The following NUP210L variants were observed in gnomAD, a reference collection of about 807,000 sequenced individuals.
The protein encoded by NUP210L is nucleoporin 210 like.
Under a neutral mutation model 208.5 loss-of-function variants are expected in NUP210L, and 74 were observed. The ratio of observed to expected loss-of-function variants is 0.35; its 90% confidence interval spans 0.29 to 0.43. NUP210L has a LOEUF of 0.43. Among genes scored for constraint, NUP210L ranks in the 20% least tolerant of loss-of-function variants. The pLI is 1.00. For synonymous variants in NUP210L, 780 were observed against 816.9 expected (o/e 0.95, Z 0.77); for missense variants, 1,843 against 2,289.4 (o/e 0.81, Z 3.98).
intron 16 of NUP210L, among the ~76,000 whole-genome samples, chr1:154,077,723 G>A (rs957408904): frequency 2.0e-5 from 3 of 152,078 alleles, no homozygotes; most frequent in African/African-American, 4.8e-5. Context: ...GGTGGTCCAC[G>A]CCTATAATCT....
intron 22 of NUP210L, 90 bp from the exon 23 acceptor site, chr1:154,057,037 G>C: frequency 7.6e-7 from 1 of 1,308,898 alleles, no homozygotes; most frequent in South Asian, 1.3e-5. Flanking sequence ...GGAGTGCAGT[G>C]GCATGATCTC....
intron 35 of NUP210L, 48 bp from the exon 36 acceptor site, chr1:154,002,033 T>C (rs779847239): frequency 6.3e-7 from 1 of 1,582,476 alleles, no homozygotes; most frequent in Admixed American, 1.8e-5. Flanking sequence ...AGAGGCTCTA[T>C]TGAGCCAACT....
intron 37 of NUP210L, 116 bp downstream of exon 37, chr1:154,000,740 C>T (rs1650161545): frequency 4.9e-6 from 4 of 819,410 alleles, no homozygotes; most frequent in South Asian, 3.2e-5. Flanking sequence ...ATTTTTGGAC[C>T]GTGGTTGACA....
intron 10 of NUP210L, among the ~76,000 whole-genome samples, chr1:154,121,038 A>G (rs1657593366): frequency 6.6e-6 from 1 of 152,140 alleles, no homozygotes; most frequent in Admixed American, 6.6e-5. Flanking sequence ...GGATAGTCAG[A>G]GAAACTTTTA....
intron 2 of NUP210L, among the ~76,000 whole-genome samples, chr1:154,152,477 ATT>A (rs11458686): frequency 5.7e-5 from 8 of 139,354 alleles, no homozygotes; most frequent in Admixed American, 7.2e-5. Flanking sequence ...CCCAGCCATA[ATT>A]TTTTTTTTTT....
At chr1:154,035,559 A>T (rs959562287) in intron 27 of NUP210L, among the ~76,000 whole-genome samples, 7 of 150,696 alleles carry the variant, frequency 4.6e-5, no homozygotes, top group African/African-American at 1.2e-4. Flanking sequence ...CACCACGCCC[A>T]GCTAATTTTT....
chr1:154,095,004 C>G (rs760585897), exon 15 of NUP210L: 1 of 1,614,158 alleles, frequency 6.2e-7, no homozygotes, highest in Non-Finnish European at 8.5e-7. Context: ...ATGGCAGCCA[C>G]ACTTGTGCTA....
At chr1:154,056,769 G>A (rs1302518048) in intron 23 of NUP210L, 46 bp downstream of exon 23, 5 of 1,528,198 alleles carry the variant, frequency 3.3e-6, no homozygotes, top group Non-Finnish European at 4.4e-6. Flanking sequence ...GACAAATGAT[G>A]TTAAGCAAGA....
At chr1:154,022,171 C>T (rs11264875) in exon 32 of NUP210L, 468,386 of 1,613,150 alleles carry the variant, frequency 0.29, 69,763 homozygotes, top group Admixed American at 0.41. Flanking sequence ...ATATCTCCAA[C>T]AAAGGTAAGC....
chr1:154,001,486 G>A (rs768487481), intron 36 of NUP210L, among the ~76,000 whole-genome samples: 1 of 152,148 alleles, frequency 6.6e-6, no homozygotes, highest in East Asian at 1.9e-4. Context: ...ATGAGCCACC[G>A]CGCTCGGCCA....
rs1279220521 is a variant in NUP210L, at chr1:153,998,858, G to A, written c.5386+1998C>T. Among the ~76,000 whole-genome samples the A allele has an allele frequency of 4.0e-5, 6 of 151,782 alleles. No individual in the cohort carries two copies. In the Admixed American group the frequency reaches 4.0e-4, roughly 10 times the overall value. The stretch of plus-strand genomic sequence containing the variant: ...CCTCAACCTCCTGCCTGGACTTCAG[G>A]TGCATGCCACCATGCCTGGCTAATT... On this transcript the variant is annotated intron_variant, in intron 37 of 39. Transcript: ENST00000368559.
In NUP210L at chr1:154,029,879, T is replaced by G; in HGVS notation, c.3855+17A>C. The G allele has an allele frequency of 6.3e-7, 1 of 1,588,434 alleles. No homozygotes were observed. Among genetic ancestry groups the G allele is most frequent in the Non-Finnish European group, 8.5e-7 (1 of 1,169,816 alleles). Reference sequence around the variant, plus strand: ...ATCCTTAATATACGAAAATAAGATTTAGATTTGGAAGCTTACCAGGATCTG... The same window carrying G: ...ATCCTTAATATACGAAAATAAGATTGAGATTTGGAAGCTTACCAGGATCTG... On this transcript the variant is annotated intron_variant, in intron 28 of 39. Coordinates refer to ENST00000368559, the Ensembl canonical transcript of NUP210L.
At chr1:154,128,693 A>T (rs892173012) in intron 8 of NUP210L, among the ~76,000 whole-genome samples, 4 of 152,048 alleles carry the variant, frequency 2.6e-5, no homozygotes, top group African/African-American at 9.7e-5. Context: ...TTTACAGAAA[A>T]CAAAAATTAG....
intron 33 of NUP210L, among the ~76,000 whole-genome samples, chr1:154,016,130 A>G (rs1259485039): frequency 6.6e-6 from 1 of 151,316 alleles, no homozygotes; most frequent in Non-Finnish European, 1.5e-5. Flanking sequence ...GCTGGCACAC[A>G]CTTGTGGTCC....
intron 35 of NUP210L, among the ~76,000 whole-genome samples, chr1:154,008,521 A>C (rs1380732676): frequency 6.6e-6 from 1 of 152,186 alleles, no homozygotes; most frequent in Non-Finnish European, 1.5e-5. Context: ...AGCCTGACCA[A>C]CATTGTGAAA....
At chr1:153,995,953 C>A in intron 37 of NUP210L, 1 of 451,588 alleles carries the variant, frequency 2.2e-6, no homozygotes, top group Non-Finnish European at 4.3e-6. Flanking sequence ...GCACAGTCAG[C>A]TAAATAAAAA....
chr1:153,998,708 C>CTTTT (rs34457474), intron 37 of NUP210L, among the ~76,000 whole-genome samples: 4 of 109,834 alleles, frequency 3.6e-5, no homozygotes, highest in Admixed American at 1.0e-4. Flanking sequence ...TCTAGAGATC[C>CTTTT]TTTTTTTTTT....
At chr1:154,076,008 C>T (rs1282712658) in intron 16 of NUP210L, among the ~76,000 whole-genome samples, 1 of 151,452 alleles carries the variant, frequency 6.6e-6, no homozygotes, top group Non-Finnish European at 1.5e-5. Context: ...AGGCTGGTCT[C>T]GAATTCCTGG....
intron 7 of NUP210L, among the ~76,000 whole-genome samples, chr1:154,131,607 T>C (rs1406572502): frequency 6.6e-6 from 1 of 152,024 alleles, no homozygotes; most frequent in Non-Finnish European, 1.5e-5. Context: ...TTCAAACTTA[T>C]TTGTTTTTGT....
Sources: allele counts gnomAD v4.1 joint callset (sites outside exome capture counted in the v4.1 genomes callset), GRCh38; gene constraint gnomAD v4.1.1; transcripts MANE v1.5; gene names NCBI Gene and HGNC (gene_info 2026-07-23, HGNC 2026-07-21).